The following LMO7 variants were observed in gnomAD, a reference collection of about 807,000 sequenced individuals.
LMO7 encodes LIM domain 7.
A neutral mutation model predicts 206.5 loss-of-function variants in LMO7; 120 were observed. The ratio of observed to expected loss-of-function variants is 0.58; its 90% CI spans 0.50 to 0.68. LMO7 has a LOEUF of 0.68. Ranked by LOEUF, LMO7 falls within the 30% of genes least tolerant of loss-of-function variation. The pLI is 0.00. For missense variants in LMO7, 1,959 were observed against 1,957.9 expected, an observed-to-expected ratio of 1.00 and a Z score of -0.01; for synonymous variants, 706 against 681.5, an observed-to-expected ratio of 1.04 and a Z score of -0.56.
chr13:75,743,660 G>A (rs1252712404), intron 3 of LMO7, among the ~76,000 whole-genome samples: 1 of 152,074 alleles, frequency 6.6e-6, no homozygotes, highest in Non-Finnish European at 1.5e-5. Flanking sequence ...GAGAACACGT[G>A]GACACAGAGG....
rs757188280 is a variant in LMO7, at chr13:75,713,189, CA to C, written c.78del (p.Glu27ArgfsTer13). 6.2e-7 allele frequency: 1 copy of C among 1,611,908 alleles called. No homozygotes were observed. Among genetic ancestry groups the C allele is most frequent in the Non-Finnish European group, 8.5e-7 (1 of 1,178,676 alleles). On this transcript the variant is annotated frameshift_variant, in exon 2 of 31. Transcript: ENST00000377534. LOFTEE classifies it high-confidence loss of function. Reference protein sequence around the residue: ...AEAQRWVEAVTEKNFETKDFR... With the variant: ...AEAQRWVEAVXEKNFETKDFR... ...ACCAAACCTATCTTTCAGGCAGTAA[CA>C]GAGAAGAATTTTGAAACAAAAGATT...
At chr13:75,828,904 G>A (rs2058380535) in intron 15 of LMO7, among the ~76,000 whole-genome samples, 2 of 152,148 alleles carry the variant, frequency 1.3e-5, no homozygotes, top group Admixed American at 1.3e-4. Flanking sequence ...GGATTGTTGT[G>A]TGGCATTCGA....
At chr13:75,799,155 T>G (rs961447797) in intron 6 of LMO7, among the ~76,000 whole-genome samples, 1 of 152,208 alleles carries the variant, frequency 6.6e-6, no homozygotes, top group African/African-American at 2.4e-5. Flanking sequence ...TGAAATCTAC[T>G]AGACTTTATT....
rs1038439116 is a variant in LMO7 at position 75,802,922 on chromosome 13, T to C, written c.662-1367T>C. Among the ~76,000 whole-genome samples, 4 of 152,324 alleles carry C rather than the reference T, an allele frequency of 2.6e-5. No individual in the cohort carries two copies. The East Asian group carries it at 7.7e-4, about 29-fold the overall frequency. ...TTTACGTGAAAACTCATATCAAGAATGATACTTTGGGGGAAAAAATTCTCT... is the reference window on the plus strand; with the variant it reads ...TTTACGTGAAAACTCATATCAAGAACGATACTTTGGGGGAAAAAATTCTCT... On this transcript the variant is annotated intron_variant, in intron 7 of 30. Coordinates refer to ENST00000377534, the MANE Select transcript of LMO7 (RefSeq NM_001306080.2).
Position 75,805,597 on chromosome 13 carries a change from G to A in LMO7, c.1033G>A (p.Val345Ile). Residue 345 changes from valine to isoleucine, a missense_variant, in exon 9 of 31, where the codon GTA (valine) becomes ATA (isoleucine). Val to Ile is a conservative substitution (Grantham distance 29). Coordinates refer to ENST00000377534, the MANE Select transcript of LMO7 (RefSeq NM_001306080.2). ...KAKTRSIPNI[V>I]KDDLYVRKLS... ...AAAGACAAGAAGCATACCCAACATT[G>A]TAAAGGATGATCTTTATGTGCGCAA... 6.2e-7 allele frequency: 1 copy of A among 1,614,058 alleles called. No homozygotes were observed. The highest frequency in any genetic ancestry group is 1.3e-5 in the African/African-American group (1 of 75,046).
At chr13:75,686,679 C>G (rs930743307) in intron 1 of LMO7, among the ~76,000 whole-genome samples, 1 of 152,012 alleles carries the variant, frequency 6.6e-6, no homozygotes, top group Non-Finnish European at 1.5e-5. Context: ...TGAATCCTTG[C>G]AGTAAGAAAG....
At chr13:75,820,657 G>T (rs1349627923) in intron 13 of LMO7, among the ~76,000 whole-genome samples, 1 of 152,156 alleles carries the variant, frequency 6.6e-6, no homozygotes, top group Non-Finnish European at 1.5e-5. Flanking sequence ...TTTAATTAAA[G>T]AAGTCAAGTT....
intron 13 of LMO7, among the ~76,000 whole-genome samples, chr13:75,820,584 T>C (rs1192828442): frequency 1.3e-5 from 2 of 152,220 alleles, no homozygotes; most frequent in Non-Finnish European, 1.5e-5. Flanking sequence ...TTATTAAAAT[T>C]TCCTTGTTTC....
chr13:75,678,616 C>G lies in LMO7; in HGVS notation c.70-34566C>G, dbSNP rs191843178. On this transcript the variant is annotated intron_variant, in intron 1 of 30. Coordinates refer to ENST00000377534, the MANE Select transcript of LMO7 (RefSeq NM_001306080.2). The stretch of plus-strand genomic sequence containing the variant: ...GGATGCTCAGAATTTCTGCCTGCTT[C>G]TCCCTCACACCTCTTCGGTGAGACC... 3.9e-5 allele frequency among the ~76,000 whole-genome samples: 6 copies of G among 152,316 alleles called. No homozygotes were observed. The East Asian group carries it at 1.2e-3, about 29-fold the overall frequency.
chr13:75,638,261 C>T (rs1278476566), intron 1 of LMO7, among the ~76,000 whole-genome samples: 4 of 152,098 alleles, frequency 2.6e-5, no homozygotes, highest in African/African-American at 9.7e-5. Flanking sequence ...TGATTCCACA[C>T]CCTTCCCTTT....
intron 1 of LMO7, among the ~76,000 whole-genome samples, chr13:75,708,103 A>G (rs1283937056): frequency 6.6e-6 from 1 of 152,178 alleles, no homozygotes; most frequent in Non-Finnish European, 1.5e-5. Flanking sequence ...GTTGATGCAT[A>G]TAAGGAGGTT....
At chr13:75,786,562 T>C (rs904686578) in intron 4 of LMO7, among the ~76,000 whole-genome samples, 1 of 151,924 alleles carries the variant, frequency 6.6e-6, no homozygotes, top group African/African-American at 2.4e-5. Context: ...TTTGTTTGTA[T>C]TTTTAGTAGA....
At chr13:75,645,205 A>G (rs1013992340) in intron 1 of LMO7, among the ~76,000 whole-genome samples, 4 of 152,234 alleles carry the variant, frequency 2.6e-5, no homozygotes, top group Non-Finnish European at 4.4e-5. Context: ...CTTCAAAAAT[A>G]CATGTCATGT....
Position 75,776,160 on chromosome 13 carries a change from CGGATATATATATATATAT to C in LMO7, c.317+15123_317+15140del, listed in dbSNP as rs1566433497. Among the ~76,000 whole-genome samples the C allele has an allele frequency of 5.4e-4, 15 of 27,994 alleles. No homozygotes were observed. In the South Asian group the frequency reaches 0.025, roughly 47 times the overall value. The allele number at this position is 27,994 out of a possible 152,430, so 18.4% of individuals were successfully genotyped here. A position where few individuals can be genotyped will look rare whatever the true frequency, so the allele number is the denominator to read the frequency against. ...ATATATATATGCCATGTATATATAT[CGGATATATATATATATAT>C]ATATATATATATATATATATATATA... On this transcript the variant is annotated intron_variant, in intron 4 of 30. Coordinates refer to ENST00000377534, the MANE Select transcript of LMO7 (RefSeq NM_001306080.2).
chr13:75,731,777 C>T (rs1347950363), intron 3 of LMO7, among the ~76,000 whole-genome samples: 1 of 152,048 alleles, frequency 6.6e-6, no homozygotes, highest in East Asian at 1.9e-4. Context: ...TCAGTTGTTC[C>T]TTTCCATGTT....
intron 4 of LMO7, among the ~76,000 whole-genome samples, chr13:75,778,362 A>G (rs2050811614): frequency 6.6e-6 from 1 of 151,816 alleles, no homozygotes; most frequent in Non-Finnish European, 1.5e-5. Context: ...CCTCCCGAGT[A>G]GCTGGGACTA....
At chr13:75,719,816 T>A (rs1466504079) in intron 2 of LMO7, among the ~76,000 whole-genome samples, 1 of 152,222 alleles carries the variant, frequency 6.6e-6, no homozygotes, top group East Asian at 1.9e-4. Flanking sequence ...TGTGCAGTTT[T>A]TTGTGTAAAT....
chr13:75,781,724 A>C (rs2051476603), intron 4 of LMO7, among the ~76,000 whole-genome samples: 1 of 151,746 alleles, frequency 6.6e-6, no homozygotes, highest in Non-Finnish European at 1.5e-5. Context: ...CAATGGTTGA[A>C]CTAGTTTACA....
chr13:75,801,266 G>T (rs751065793), intron 7 of LMO7, among the ~76,000 whole-genome samples: 9 of 150,986 alleles, frequency 6.0e-5, no homozygotes, highest in African/African-American at 2.2e-4. Context: ...TCTAGTTTCT[G>T]AGTAACTTTC....
Sources: allele counts gnomAD v4.1 joint callset (sites outside exome capture counted in the v4.1 genomes callset), GRCh38; gene constraint gnomAD v4.1.1; transcripts MANE v1.5; gene names NCBI Gene and HGNC (gene_info 2026-07-23, HGNC 2026-07-21).